Variants in TAF3 observed in about 807,000 individuals in gnomAD.
TAF3 encodes TATA-box binding protein associated factor 3, also known as transcription initiation factor TFIID subunit 3.
Under a neutral mutation model 80.6 loss-of-function variants are expected in TAF3, and 7 were observed. That is an observed-to-expected ratio of 0.09 (90% CI 0.05 to 0.16). TAF3 has a LOEUF of 0.16. Among genes scored for constraint, TAF3 ranks in the 10% least tolerant of loss-of-function variants. The pLI is 1.00. For missense variants in TAF3, 921 were observed against 1,140.2 expected (o/e 0.81, Z 2.77); for synonymous variants, 444 against 446.1 (o/e 1.00, Z 0.06).
At chr10:7,906,827 C>T (rs951228522) in intron 2 of TAF3, among the ~76,000 whole-genome samples, 2 of 151,218 alleles carry the variant, frequency 1.3e-5, no homozygotes, top group African/African-American at 4.8e-5. Context: ...AACTGATCCT[C>T]CTGCCTTGGC....
rs531155561 is a variant in TAF3, at chr10:7,847,538, G to C, written c.409+22978G>C. On this transcript the variant is annotated intron_variant, in intron 2 of 6. Coordinates refer to ENST00000344293, the MANE Select transcript of TAF3 (RefSeq NM_031923.4). ...TAGCTCCCTGAAGCCCTGACTTCCTGGGCTCAAGGGATCTTCCGCCTCAGC... is the reference window on the plus strand; with the variant it reads ...TAGCTCCCTGAAGCCCTGACTTCCTCGGCTCAAGGGATCTTCCGCCTCAGC... Among the ~76,000 whole-genome samples the C allele has an allele frequency of 4.6e-5, 7 of 152,226 alleles. No homozygotes were observed. The East Asian group carries it at 1.4e-3, about 29-fold the overall frequency.
At chr10:8,004,305 C>T (rs1831972200) in intron 4 of TAF3, among the ~76,000 whole-genome samples, 2 of 152,166 alleles carry the variant, frequency 1.3e-5, no homozygotes, top group South Asian at 4.2e-4. Flanking sequence ...ACCTCGGCCT[C>T]CCAAAGTGCT....
intron 2 of TAF3, among the ~76,000 whole-genome samples, chr10:7,918,693 C>G (rs941883247): frequency 4.6e-5 from 7 of 152,176 alleles, no homozygotes; most frequent in Non-Finnish European, 8.8e-5. Flanking sequence ...TGAAGCTTAG[C>G]TAGGTTTTGG....
intron 2 of TAF3, among the ~76,000 whole-genome samples, chr10:7,880,279 A>G (rs1837348265): frequency 6.6e-6 from 1 of 152,124 alleles, no homozygotes; most frequent in Non-Finnish European, 1.5e-5. Context: ...TACTCCTTAG[A>G]CTTTTTGGGG....
chr10:7,866,762 G>A (rs1478642493), intron 2 of TAF3, among the ~76,000 whole-genome samples: 1 of 152,120 alleles, frequency 6.6e-6, no homozygotes, highest in South Asian at 2.1e-4. Context: ...CCCAATTAGA[G>A]GCGAGTGTTA....
intron 4 of TAF3, among the ~76,000 whole-genome samples, chr10:7,997,951 T>G (rs988182692): frequency 2.6e-5 from 4 of 152,176 alleles, no homozygotes; most frequent in Non-Finnish European, 5.9e-5. Flanking sequence ...GATGAAAAAT[T>G]ATATCATGTT....
At chr10:7,993,033 A>T (rs1831849188) in intron 4 of TAF3, among the ~76,000 whole-genome samples, 1 of 152,208 alleles carries the variant, frequency 6.6e-6, no homozygotes, top group African/African-American at 2.4e-5. Context: ...CCTTGTTACC[A>T]TCTAATACCT....
chr10:8,007,553 T>A (rs12783641), intron 4 of TAF3, among the ~76,000 whole-genome samples: 2 of 137,802 alleles, frequency 1.5e-5, no homozygotes, highest in Admixed American at 7.6e-5. Flanking sequence ...GTTTTCTCTG[T>A]GTGTGAAATT....
chr10:8,013,012 A>T (rs1832069202), intron 5 of TAF3, among the ~76,000 whole-genome samples: 1 of 152,210 alleles, frequency 6.6e-6, no homozygotes, highest in African/African-American at 2.4e-5. Context: ...GGTGAATAGG[A>T]TGTTCCCTCT....
chr10:7,874,441 T>G (rs1187905490), intron 2 of TAF3, among the ~76,000 whole-genome samples: 4 of 152,136 alleles, frequency 2.6e-5, no homozygotes, highest in African/African-American at 7.2e-5. Flanking sequence ...GATTTCTGCT[T>G]CTTCAGGTGG....
intron 4 of TAF3, among the ~76,000 whole-genome samples, chr10:8,007,388 C>T (rs1254667687): frequency 6.6e-6 from 1 of 150,946 alleles, no homozygotes; most frequent in Non-Finnish European, 1.5e-5. Flanking sequence ...AGGAAAGGTA[C>T]AGAGAAAAAA....
intron 6 of TAF3, among the ~76,000 whole-genome samples, chr10:8,014,404 C>T (rs1210043624): frequency 6.6e-6 from 1 of 152,120 alleles, no homozygotes; most frequent in Non-Finnish European, 1.5e-5. Flanking sequence ...GACTTCTATT[C>T]CTGGCTGAGA....
chr10:7,989,555 T>A (rs1367434118), intron 4 of TAF3, among the ~76,000 whole-genome samples: 1 of 152,248 alleles, frequency 6.6e-6, no homozygotes, highest in Non-Finnish European at 1.5e-5. Flanking sequence ...CGTAGTCAAA[T>A]GTAATATTGT....
chr10:7,857,238 C>T (rs1837090177), intron 2 of TAF3, among the ~76,000 whole-genome samples: 1 of 152,226 alleles, frequency 6.6e-6, no homozygotes, highest in Admixed American at 6.5e-5. Flanking sequence ...AATATTTCCT[C>T]AGCTGTTTGT....
chr10:7,930,535 A>G (rs1837858557), intron 2 of TAF3, among the ~76,000 whole-genome samples: 1 of 152,234 alleles, frequency 6.6e-6, no homozygotes, highest in African/African-American at 2.4e-5. Flanking sequence ...GCATTAAACT[A>G]CAGTACAATT....
intron 2 of TAF3, among the ~76,000 whole-genome samples, chr10:7,883,226 A>G (rs545565380): frequency 1.3e-5 from 2 of 152,198 alleles, no homozygotes; most frequent in Non-Finnish European, 2.9e-5. Context: ...TAGTTCTTCA[A>G]TCTAGAACAG....
chr10:8,006,446 C>T (rs1274266506), intron 4 of TAF3, among the ~76,000 whole-genome samples: 1 of 151,648 alleles, frequency 6.6e-6, no homozygotes, highest in Non-Finnish European at 1.5e-5. Context: ...CCACAATTGG[C>T]TTTCAAGTGC....
rs554752183 is a variant in TAF3 at position 7,894,875 on chromosome 10, G to T, written c.410-69045G>T. Among the ~76,000 whole-genome samples, 23 of 151,846 alleles carry T rather than the reference G, an allele frequency of 1.5e-4. No homozygotes were observed. In the East Asian group the frequency reaches 2.3e-3, roughly 15 times the overall value. On this transcript the variant is annotated intron_variant, in intron 2 of 6. Transcript: ENST00000344293. Reference sequence around the variant, plus strand: ...GCTCAAGCTTCTAATTCCCTTTTTTGTTGTTGTTGTTGTGGATTTTTGGTT... The same window carrying T: ...GCTCAAGCTTCTAATTCCCTTTTTTTTTGTTGTTGTTGTGGATTTTTGGTT...
At chr10:7,851,968 G>A (rs1036070814) in intron 2 of TAF3, among the ~76,000 whole-genome samples, 1 of 151,388 alleles carries the variant, frequency 6.6e-6, no homozygotes, top group Non-Finnish European at 1.5e-5. Context: ...AATTTTAGTA[G>A]AGATGACGTC....
Sources: gnomAD v4.1 joint callset for allele counts (sites outside exome capture counted in the v4.1 genomes callset) on GRCh38, gnomAD v4.1.1 for gene constraint, MANE v1.5 for transcripts, NCBI Gene and HGNC (gene_info 2026-07-23, HGNC 2026-07-21) for gene names.